SRBD1: variants seen among roughly 807,000 people sequenced by gnomAD.
SRBD1 encodes the protein S1 RNA-binding domain-containing protein 1.
A neutral mutation model predicts 115.3 loss-of-function variants in SRBD1; 88 were observed. That is an observed-to-expected ratio of 0.76 (90% CI 0.64 to 0.91). The LOEUF (loss-of-function observed/expected upper bound fraction) is 0.91, where lower values mean the gene tolerates loss of function less well. Among genes scored for constraint, SRBD1 ranks in the 40% least tolerant of loss-of-function variants. The pLI is 0.00. For missense variants in SRBD1, 1,385 were observed against 1,177.4 expected, an observed-to-expected ratio of 1.18 and a Z score of -2.58; for synonymous variants, 509 against 407.7, an observed-to-expected ratio of 1.25 and a Z score of -2.99.
chr2:45,465,046 C>CATAT (rs34202925), intron 16 of SRBD1, among the ~76,000 whole-genome samples: 2 of 141,516 alleles, frequency 1.4e-5, no homozygotes, highest in African/African-American at 5.3e-5. Context: ...CACACACACA[C>CATAT]ACAGAGTCAT....
At chr2:45,573,039 T>G (rs1443027793) in intron 9 of SRBD1, among the ~76,000 whole-genome samples, 168 bp downstream of exon 9, 1 of 152,158 alleles carries the variant, frequency 6.6e-6, no homozygotes, top group Non-Finnish European at 1.5e-5. Context: ...GGGTCATTAC[T>G]TCCCAATTTG....
intron 9 of SRBD1, among the ~76,000 whole-genome samples, chr2:45,570,580 T>C (rs573607890): frequency 1.3e-5 from 2 of 152,260 alleles, no homozygotes; most frequent in East Asian, 3.9e-4. Flanking sequence ...TAGCAAAAAC[T>C]GTCAGAATTA....
In SRBD1 at chr2:45,601,925, A is replaced by G; in HGVS notation, c.239T>C (p.Val80Ala). 1 of 1,614,058 alleles carries G rather than the reference A, an allele frequency of 6.2e-7. No individual in the cohort carries two copies. Among genetic ancestry groups the G allele is most frequent in the Non-Finnish European group, 8.5e-7 (1 of 1,179,986 alleles). Reference sequence around the variant, plus strand: ...TACCAGCTCCTCCTTAACAACAACGACTTCTGAGCCATCACTGATCTGTGG... The same window carrying G: ...TACCAGCTCCTCCTTAACAACAACGGCTTCTGAGCCATCACTGATCTGTGG... Reference protein sequence around the residue: ...NAPQISDGSEVVVVKEELNSS... With the variant: ...NAPQISDGSEAVVVKEELNSS... Residue 80 changes from valine (V) to alanine (A), a missense_variant, in exon 3 of 21, where the codon GTC becomes GCC. Transcript: ENST00000263736.
At chr2:45,573,173 G>T (rs772085459) in intron 9 of SRBD1, 34 bp downstream of exon 9, 1 of 1,533,790 alleles carries the variant, frequency 6.5e-7, no homozygotes, top group Non-Finnish European at 8.7e-7. Flanking sequence ...TCATTATTAC[G>T]AAATCAGCAT....
intron 14 of SRBD1, among the ~76,000 whole-genome samples, chr2:45,516,964 C>T (rs556018152): frequency 1.1e-4 from 16 of 152,228 alleles, no homozygotes; most frequent in African/African-American, 3.9e-4. Context: ...ATGTCCTGCA[C>T]CCATGGAGCT....
chr2:45,450,555 A>G (rs1405461091), intron 16 of SRBD1, among the ~76,000 whole-genome samples: 6 of 152,106 alleles, frequency 3.9e-5, no homozygotes, highest in Admixed American at 3.9e-4. Flanking sequence ...GTTCTTCTCA[A>G]TTAGCATTAT....
At chr2:45,577,739 CA>C in intron 7 of SRBD1, among the ~76,000 whole-genome samples, 1 of 151,196 alleles carries the variant, frequency 6.6e-6, no homozygotes, top group Admixed American at 6.6e-5. Context: ...TTTCGAAAAA[CA>C]AGTAAAATTA....
intron 14 of SRBD1, among the ~76,000 whole-genome samples, chr2:45,489,957 C>T (rs899248437): frequency 6.6e-6 from 1 of 152,112 alleles, no homozygotes; most frequent in South Asian, 2.1e-4. Context: ...TCTTCCTTTG[C>T]CTTTTTCTTT....
At chr2:45,528,764 T>C (rs147206144) in intron 14 of SRBD1, among the ~76,000 whole-genome samples, 28 of 151,834 alleles carry the variant, frequency 1.8e-4, no homozygotes, top group Admixed American at 1.8e-3. Flanking sequence ...TGTCTAAGTT[T>C]AAGAGTGGGG....
intron 11 of SRBD1, among the ~76,000 whole-genome samples, chr2:45,552,876 A>G (rs1357070920): frequency 6.6e-6 from 1 of 152,236 alleles, no homozygotes; most frequent in Non-Finnish European, 1.5e-5. Flanking sequence ...CAAAAGAGAA[A>G]CAAGCCCTAC....
chr2:45,492,449 T>C (rs141903135), intron 14 of SRBD1, among the ~76,000 whole-genome samples: 212 of 152,156 alleles, frequency 1.4e-3, no homozygotes, highest in African/African-American at 4.9e-3. Flanking sequence ...GTTGTTGTTG[T>C]TGTTTTTGAG....
chr2:45,561,553 T>C (rs1356987026), intron 10 of SRBD1, among the ~76,000 whole-genome samples: 5 of 152,218 alleles, frequency 3.3e-5, no homozygotes, highest in Non-Finnish European at 7.3e-5. Flanking sequence ...ATCCTAAAGT[T>C]ACACAGAACT....
Position 45,432,501 on chromosome 2 carries a change from A to C in SRBD1, c.2050-12607T>G. Among the ~76,000 whole-genome samples, 2 of 152,172 alleles carry C rather than the reference A, an allele frequency of 1.3e-5. 1 individual carries two copies. Among genetic ancestry groups the C allele is most frequent in the Admixed American group, 1.3e-4 (2 of 15,274 alleles). On this transcript the variant is annotated intron_variant, in intron 16 of 20. Coordinates refer to ENST00000263736, the MANE Select transcript of SRBD1 (RefSeq NM_018079.5). Reference sequence around the variant, plus strand: ...TACCAGACACTGTGCAAGTTGGGCTATGTGTTGAAAGTATAGAAAAAATCA... The same window carrying C: ...TACCAGACACTGTGCAAGTTGGGCTCTGTGTTGAAAGTATAGAAAAAATCA...
chr2:45,469,857 C>G (rs1225830195), intron 16 of SRBD1, among the ~76,000 whole-genome samples: 1 of 152,178 alleles, frequency 6.6e-6, no homozygotes, highest in Non-Finnish European at 1.5e-5. Flanking sequence ...AGCAAAGATT[C>G]AGTACAGCCC....
chr2:45,546,392 TCTA>T, intron 14 of SRBD1: 1 of 957,356 alleles, frequency 1.0e-6, no homozygotes, highest in Non-Finnish European at 1.2e-6. Context: ...TTATTCACAG[TCTA>T]CTAGCTGCTA....
chr2:45,460,221 G>C (rs887804171), intron 16 of SRBD1, among the ~76,000 whole-genome samples: 2 of 152,152 alleles, frequency 1.3e-5, no homozygotes, highest in Admixed American at 6.5e-5. Context: ...CACTGGGTCA[G>C]TGTTCAGTTA....
Position 45,507,448 on chromosome 2 carries a change from C to T in SRBD1, c.1875-19117G>A, listed in dbSNP as rs187459390. Among the ~76,000 whole-genome samples the T allele has an allele frequency of 2.9e-3, 434 of 152,118 alleles. 2 individuals are homozygous for T. The highest frequency in any genetic ancestry group is 9.9e-3 in the African/African-American group (412 of 41,512). On this transcript the variant is annotated intron_variant, in intron 14 of 20. Transcript: ENST00000263736. Reference sequence around the variant, plus strand: ...ATAATCCATATTAGGCTGGGCGCGGCGGCTCACGTCTGTAATCCTTGTACT... The same window carrying T: ...ATAATCCATATTAGGCTGGGCGCGGTGGCTCACGTCTGTAATCCTTGTACT...
chr2:45,431,737 T>A (rs1668344188), intron 16 of SRBD1, among the ~76,000 whole-genome samples: 1 of 152,114 alleles, frequency 6.6e-6, no homozygotes, highest in African/African-American at 2.4e-5. Context: ...GTATCAAACC[T>A]GCATGTGCTG....
chr2:45,514,552 A>C (rs960614023), intron 14 of SRBD1, among the ~76,000 whole-genome samples: 5 of 152,192 alleles, frequency 3.3e-5, no homozygotes, highest in African/African-American at 1.2e-4. Flanking sequence ...ATTTAAACTA[A>C]AATTTGGCAG....
Sources: gnomAD v4.1 joint callset for allele counts (sites outside exome capture counted in the v4.1 genomes callset) on GRCh38, gnomAD v4.1.1 for gene constraint, MANE v1.5 for transcripts, NCBI Gene and HGNC (gene_info 2026-07-23, HGNC 2026-07-21) for gene names.